Variants in GPR158 observed in about 807,000 individuals in gnomAD.
GPR158 encodes metabotropic glycine receptor.
GPR158 carries 30 observed loss-of-function variants against 78.2 expected under a neutral mutation model. The ratio of observed to expected loss-of-function variants is 0.38; its 90% CI spans 0.29 to 0.52. The LOEUF is 0.52. GPR158 is among the 20% of genes least tolerant of loss of function. GPR158 has a pLI of 0.83. For missense variants in GPR158, 1,463 were observed against 1,523.5 expected (o/e 0.96, Z 0.66); for synonymous variants, 581 against 591.1 (o/e 0.98, Z 0.25).
At chr10:25,539,266 A>G (rs1293224838) in intron 5 of GPR158, among the ~76,000 whole-genome samples, 1 of 152,114 alleles carries the variant, frequency 6.6e-6, no homozygotes, top group East Asian at 1.9e-4. Context: ...TTTAAATTTG[A>G]TCTTCTGTTT....
Position 25,599,383 on chromosome 10 carries a change from C to A in GPR158, c.*109C>A, listed in dbSNP as rs899814601. 2 of 871,898 alleles carry A rather than the reference C, an allele frequency of 2.3e-6. No homozygotes were observed. Among genetic ancestry groups the A allele is most frequent in the Non-Finnish European group, 3.5e-6 (2 of 573,018 alleles). The allele number at this position is 871,898 out of a possible 1,614,324, so 54.0% of individuals were successfully genotyped here. A position where few individuals can be genotyped will look rare whatever the true frequency, so the allele number is the denominator to read the frequency against. ...GATTTGTCAATCAAGGAAAACATGA[C>A]AGATGGTGAGGTAAAGTCAAAGGCA... On this transcript the variant is annotated 3_prime_UTR_variant, in exon 11 of 11. Transcript: ENST00000376351.
chr10:25,324,511 T>G (rs1854999696), intron 2 of GPR158, among the ~76,000 whole-genome samples: 1 of 152,166 alleles, frequency 6.6e-6, no homozygotes, highest in South Asian at 2.1e-4. Context: ...CAAACAATTA[T>G]AAAAACTTCA....
intron 2 of GPR158, among the ~76,000 whole-genome samples, chr10:25,371,068 A>G (rs1471636217): frequency 6.7e-6 from 1 of 148,242 alleles, no homozygotes; most frequent in Non-Finnish European, 1.5e-5. Context: ...GTGTCTCTGC[A>G]TGTGAGATGG....
At chr10:25,249,696 C>T (rs1447172409) in intron 2 of GPR158, among the ~76,000 whole-genome samples, 1 of 151,760 alleles carries the variant, frequency 6.6e-6, no homozygotes, top group Non-Finnish European at 1.5e-5. Context: ...TTTTGATGTG[C>T]TGCTGGATTC....
chr10:25,370,681 G>A (rs187511375), intron 2 of GPR158, among the ~76,000 whole-genome samples: 24,778 of 149,210 alleles, frequency 0.17, 2,265 homozygotes, highest in African/African-American at 0.19. Flanking sequence ...ATGTCTATTA[G>A]GTCCGCTTGA....
chr10:25,568,678 G>A (rs1836964338), intron 6 of GPR158, among the ~76,000 whole-genome samples: 1 of 152,092 alleles, frequency 6.6e-6, no homozygotes, highest in Non-Finnish European at 1.5e-5. Flanking sequence ...TGAATATAAT[G>A]ACAATTTCTG....
chr10:25,575,643 ATAAC>A (rs1190703283), intron 7 of GPR158, among the ~76,000 whole-genome samples: 1 of 152,192 alleles, frequency 6.6e-6, no homozygotes, highest in Non-Finnish European at 1.5e-5. Context: ...GAACATAAAA[ATAAC>A]TAATCTCAAT....
At chr10:25,424,794 G>A (rs56306235) in intron 4 of GPR158, among the ~76,000 whole-genome samples, 3,929 of 152,252 alleles carry the variant, frequency 0.026, 76 homozygotes, top group Non-Finnish European at 0.039. Context: ...TAGCCTTGTA[G>A]AATACTTTGA....
At chr10:25,414,850 C>G (rs934860757) in intron 4 of GPR158, among the ~76,000 whole-genome samples, 1 of 152,016 alleles carries the variant, frequency 6.6e-6, no homozygotes, top group Non-Finnish European at 1.5e-5. Context: ...AATTGTAATA[C>G]AGAGGTAGCA....
chr10:25,518,287 C>T (rs1192864717), intron 5 of GPR158, among the ~76,000 whole-genome samples: 6 of 83,602 alleles, frequency 7.2e-5, no homozygotes, highest in East Asian at 4.0e-4. Flanking sequence ...GTCTTGCTAG[C>T]GGCCTATCAA....
chr10:25,365,372 TTTTGA>T (rs1250886308), intron 2 of GPR158, among the ~76,000 whole-genome samples: 4 of 151,786 alleles, frequency 2.6e-5, no homozygotes, highest in African/African-American at 9.7e-5. Context: ...AGTTCCTGCC[TTTTGA>T]TTTAGCCCTA....
chr10:25,596,753 C>G lies in GPR158; in HGVS notation c.2109C>G (p.Ala703=). The part of the protein sequence containing the change: ...GSYLNSSINS[A]WSEHSLDPED... The stretch of plus-strand genomic sequence containing the variant: ...ACCTGAACAGCAGTATCAATTCAGC[C>G]TGGAGTGAGCACAGCTTGGATCCAG... Residue 703 remains alanine, a synonymous_variant, in exon 10 of 11, where the codon GCC becomes GCG. Coordinates refer to ENST00000376351, the MANE Select transcript of GPR158 (RefSeq NM_020752.3). 1 of 1,613,812 alleles carries G rather than the reference C, an allele frequency of 6.2e-7. No homozygotes were observed. The highest frequency in any genetic ancestry group is 8.5e-7 in the Non-Finnish European group (1 of 1,179,798).
At chr10:25,264,145 C>A (rs922412865) in intron 2 of GPR158, among the ~76,000 whole-genome samples, 4 of 152,104 alleles carry the variant, frequency 2.6e-5, no homozygotes, top group Non-Finnish European at 5.9e-5. Context: ...ATGAGTCACA[C>A]CTTCTGCTTT....
chr10:25,378,528 T>G (rs1428212768), intron 2 of GPR158, among the ~76,000 whole-genome samples: 2 of 151,992 alleles, frequency 1.3e-5, no homozygotes, highest in Non-Finnish European at 2.9e-5. Flanking sequence ...CACTATGCTC[T>G]TTTTTCCTCT....
chr10:25,280,682 G>A (rs1267603973), intron 2 of GPR158, among the ~76,000 whole-genome samples: 1 of 151,960 alleles, frequency 6.6e-6, no homozygotes, highest in Non-Finnish European at 1.5e-5. Context: ...TGACCATGAA[G>A]CCATAAATCA....
Position 25,473,124 on chromosome 10 carries a change from G to A in GPR158, c.1404+6405G>A, listed in dbSNP as rs571470618. ...GATAGCTCTTATTATTTTGAGATAC[G>A]TCCCATCAATACCTAATTTATTGAG... On this transcript the variant is annotated intron_variant, in intron 5 of 10. Coordinates refer to ENST00000376351, the MANE Select transcript of GPR158 (RefSeq NM_020752.3). Among the ~76,000 whole-genome samples the A allele has an allele frequency of 7.4e-4, 113 of 151,924 alleles. No individual in the cohort carries two copies. The South Asian group carries it at 9.4e-3, about 13-fold the overall frequency.
chr10:25,258,354 G>A (rs563033690), intron 2 of GPR158, among the ~76,000 whole-genome samples: 1 of 152,212 alleles, frequency 6.6e-6, no homozygotes, highest in East Asian at 1.9e-4. Context: ...GCCTTAATCT[G>A]ACGTAAATAT....
At chr10:25,439,929 G>T (rs1175831915) in intron 4 of GPR158, among the ~76,000 whole-genome samples, 1 of 152,150 alleles carries the variant, frequency 6.6e-6, no homozygotes, top group Non-Finnish European at 1.5e-5. Flanking sequence ...GCGAGGAGCT[G>T]CACGTTTTCT....
intron 1 of GPR158, among the ~76,000 whole-genome samples, chr10:25,220,594 G>A (rs1162343335): frequency 1.3e-5 from 2 of 152,232 alleles, no homozygotes; most frequent in Non-Finnish European, 2.9e-5. Flanking sequence ...GGAAAGAGAT[G>A]CTTATTTTCT....
Sources: allele counts gnomAD v4.1 joint callset (sites outside exome capture counted in the v4.1 genomes callset), GRCh38; gene constraint gnomAD v4.1.1; transcripts MANE v1.5; gene names NCBI Gene and HGNC (gene_info 2026-07-23, HGNC 2026-07-21).